The following MDM2 variants were observed in gnomAD, a reference collection of about 807,000 sequenced individuals.
MDM2 encodes the protein MDM2 proto-oncogene.
Under a neutral mutation model 64.3 loss-of-function variants are expected in MDM2, and 11 were observed. The observed-to-expected ratio is 0.17, with a 90% confidence interval of 0.11 to 0.28. The LOEUF (loss-of-function observed/expected upper bound fraction) is 0.28. Ranked by LOEUF, MDM2 falls within the 10% of genes least tolerant of loss-of-function variation. MDM2 has a pLI of 1.00. For missense variants in MDM2, 388 were observed against 577.1 expected (o/e 0.67, Z 3.36); for synonymous variants, 194 against 192.9 (o/e 1.01, Z -0.05).
Position 68,835,903 on chromosome 12 carries a change from A to G in MDM2, c.759A>G (p.Val253=), listed in dbSNP as rs375891272. The part of the protein sequence containing the change: ...DQDSVSDQFS[V]EFEVESLDSE... ...ATTCAGTTTCAGATCAGTTTAGTGT[A>G]GAATTTGAAGTTGAATCTCTCGACT... Residue 253 remains valine (V), a synonymous_variant, in exon 9 of 11, where the codon GTA becomes GTG. Coordinates refer to ENST00000258149, the MANE Select transcript of MDM2 (RefSeq NM_002392.6). 2.2e-5 allele frequency: 36 copies of G among 1,613,714 alleles called. No homozygotes were observed. Among genetic ancestry groups the G allele is most frequent in the Admixed American group, 8.3e-5 (5 of 59,998 alleles).
intron 5 of MDM2, 50 bp from the exon 6 acceptor site, chr12:68,824,313 G>A (rs772992302): frequency 7.0e-5 from 70 of 998,250 alleles, no homozygotes; most frequent in Non-Finnish European, 5.0e-5. Flanking sequence ...GTAGCGCCCC[G>A]CCGCCCCCCG....
rs149333351 is a variant in MDM2 at position 68,842,534 on chromosome 12, A to ACAT, written c.*2687_*2688insTCA. On this transcript the variant is annotated 3_prime_UTR_variant, in exon 11 of 11. Transcript: ENST00000258149. Reference sequence around the variant, plus strand: ...AATCATCTACATTGCTGTCTACAAAACAGATAATATGGATGTTTGATCGCA... The same window carrying ACAT: ...AATCATCTACATTGCTGTCTACAAAACATCAGATAATATGGATGTTTGATCGCA... 16,197 of 361,744 alleles carry ACAT rather than the reference A, an allele frequency of 0.045. 2,412 individuals carry two copies. Among genetic ancestry groups the ACAT allele is most frequent in the African/African-American group, 0.32 (14,994 of 47,524 alleles). 22.4% of individuals were successfully genotyped at this position (361,744 alleles called of 1,614,324 possible).
chr12:68,818,131 G>T (rs1383144595), intron 4 of MDM2, among the ~76,000 whole-genome samples: 1 of 152,088 alleles, frequency 6.6e-6, no homozygotes, highest in South Asian at 2.1e-4. Flanking sequence ...GTTTAGCACA[G>T]GCAATCCGTG....
At position 68,813,545 on chromosome 12, in the gene MDM2, T is replaced by A. The variant is rs1437053159; in HGVS notation, c.100-9T>A. 1 of 1,605,494 alleles carries A rather than the reference T, an allele frequency of 6.2e-7. No individual in the cohort carries two copies. The highest frequency in any genetic ancestry group is 1.1e-5 in the South Asian group (1 of 90,300). ...TGGAAGTATAATAGCAGTTCTTTTC[T>A]CTTTATAGGTTAGACCAAAGCCATT... On this transcript the variant is annotated splice_polypyrimidine_tract_variant and intron_variant, in intron 2 of 10. Coordinates refer to ENST00000258149, the MANE Select transcript of MDM2 (RefSeq NM_002392.6).
intron 10 of MDM2, among the ~76,000 whole-genome samples, chr12:68,837,547 A>C (rs1182103441): frequency 6.6e-6 from 1 of 151,264 alleles, no homozygotes; most frequent in African/African-American, 2.4e-5. Context: ...TTTTTGTAGA[A>C]ATGTCACCAT....
chr12:68,834,843 G>A (rs1195036770), intron 8 of MDM2, among the ~76,000 whole-genome samples: 1 of 152,146 alleles, frequency 6.6e-6, no homozygotes, highest in Non-Finnish European at 1.5e-5. Context: ...TCCAATTGTA[G>A]CCTTCTGCTT....
intron 4 of MDM2, among the ~76,000 whole-genome samples, chr12:68,819,603 C>T (rs1289253471): frequency 2.6e-5 from 4 of 152,104 alleles, no homozygotes; most frequent in African/African-American, 9.7e-5. Context: ...GTGATTATCC[C>T]GCCTCAGTCT....
intron 8 of MDM2, among the ~76,000 whole-genome samples, chr12:68,829,437 CATCAGGTAAGTT>C (rs1044422292): frequency 1.3e-5 from 2 of 152,118 alleles, no homozygotes; most frequent in African/African-American, 4.8e-5. Flanking sequence ...TAGGTCTAGA[CATCAGGTAAGTT>C]CTATTTACTT....
At chr12:68,817,380 T>G (rs374415603) in intron 4 of MDM2, among the ~76,000 whole-genome samples, 29 of 152,316 alleles carry the variant, frequency 1.9e-4, no homozygotes, top group African/African-American at 6.3e-4. Context: ...CATTTGAGCC[T>G]TAGTTATTTT....
chr12:68,817,156 A>G (rs1319511509), intron 4 of MDM2: 3 of 502,104 alleles, frequency 6.0e-6, no homozygotes, highest in Admixed American at 4.3e-5. Context: ...ATCATTTACT[A>G]GTTTTGTGAC....
chr12:68,834,508 G>T (rs572354416), intron 8 of MDM2, among the ~76,000 whole-genome samples: 74 of 151,736 alleles, frequency 4.9e-4, no homozygotes, highest in Non-Finnish European at 8.5e-4. Context: ...AGGCCAAGGC[G>T]GTTGAATTGC....
At position 68,843,754 on chromosome 12, in the gene MDM2, A is replaced by G. The variant is rs11556780; in HGVS notation, c.*3905A>G. On this transcript the variant is annotated 3_prime_UTR_variant, in exon 11 of 11. Transcript: ENST00000258149. ...AAATGGCCAAAGGGATTAGTAGTTT[A>G]CCTGTGGAGGTCCTCCAAGCATTAT... 4.5e-6 allele frequency: 1 copy of G among 223,660 alleles called. No homozygotes were observed. The highest frequency in any genetic ancestry group is 8.9e-6 in the Non-Finnish European group (1 of 112,172). The allele number at this position is 223,660 out of a possible 1,614,324, so 13.9% of individuals were successfully genotyped here. A position where few individuals can be genotyped will look rare whatever the true frequency, so the allele number is the denominator to read the frequency against.
chr12:68,848,719 GT>G, downstream of MDM2: 1 of 152,034 alleles, frequency 6.6e-6, no homozygotes. Flanking sequence ...TAAGCTTTTT[GT>G]TTTTTTGGGG....
chr12:68,818,022 A>C lies in MDM2; in HGVS notation c.308+1077A>C, dbSNP rs773408815. Among the ~76,000 whole-genome samples the C allele has an allele frequency of 1.2e-3, 179 of 152,072 alleles. No homozygotes were observed. The Middle Eastern group carries it at 0.014, about 12-fold the overall frequency. On this transcript the variant is annotated intron_variant, in intron 4 of 10. Transcript: ENST00000258149. ...TTGACCAGGCTGGTCTTGAGCTCCT[A>C]ACCTTCGGTAATCCACCTGCCATGG...
downstream of MDM2, chr12:68,846,490 A>C (rs1056634238): frequency 1.3e-5 from 2 of 152,000 alleles, no homozygotes; most frequent in Admixed American, 6.6e-5. Flanking sequence ...TTTTTGGTTC[A>C]CACCTCCCCA....
chr12:68,827,444 A>C (rs962759556), intron 7 of MDM2, among the ~76,000 whole-genome samples: 5 of 152,150 alleles, frequency 3.3e-5, no homozygotes, highest in African/African-American at 1.2e-4. Context: ...ACTTTGTATA[A>C]TATGTATACT....
At position 68,816,794 on chromosome 12, in the gene MDM2, A is replaced by G. The variant is rs1170390088; in HGVS notation, c.175-18A>G. 5.8e-6 allele frequency: 9 copies of G among 1,564,288 alleles called. No homozygotes were observed. The highest frequency in any genetic ancestry group is 7.8e-6 in the Non-Finnish European group (9 of 1,157,158). ...ATTTAGTTTTCTTTAATGCTCAGAA[A>G]TCATATTTGTATTTCAGGTTCTTTT... On this transcript the variant is annotated intron_variant, in intron 3 of 10. Transcript: ENST00000258149.
chr12:68,836,112 C>CT (rs1322575210), intron 9 of MDM2, 128 bp downstream of exon 9: 2 of 804,132 alleles, frequency 2.5e-6, no homozygotes, highest in African/African-American at 3.5e-5. Flanking sequence ...TTTGTTTAAA[C>CT]TAACACATTG....
intron 7 of MDM2, 125 bp downstream of exon 7, chr12:68,824,776 G>A (rs944828645): frequency 2.0e-5 from 13 of 634,726 alleles, no homozygotes; most frequent in African/African-American, 1.5e-4. Flanking sequence ...TAACCTCTGA[G>A]TTTTTTTCAT....
Sources: gnomAD v4.1 joint callset for allele counts (sites outside exome capture counted in the v4.1 genomes callset) on GRCh38, gnomAD v4.1.1 for gene constraint, MANE v1.5 for transcripts, NCBI Gene and HGNC (gene_info 2026-07-23, HGNC 2026-07-21) for gene names.